STK3: variants seen among roughly 807,000 people sequenced by gnomAD.
STK3 encodes the protein serine/threonine kinase 3.
In STK3, 41 loss-of-function variants were observed where a neutral mutation model predicts 58.0. That is an observed-to-expected ratio of 0.71 (90% CI 0.55 to 0.92). The LOEUF is 0.92. Among genes scored for constraint, STK3 ranks in the 40% least tolerant of loss-of-function variants. The probability of loss-of-function intolerance (pLI) is 0.00; values close to 1 mark genes in which losing one functional copy is unlikely to be tolerated. For missense variants in STK3, 479 were observed against 602.7 expected, an observed-to-expected ratio of 0.79 and a Z score of 2.15; for synonymous variants, 170 against 191.0, an observed-to-expected ratio of 0.89 and a Z score of 0.91.
chr8:98,838,089 A>AG (rs1410434562), intron 3 of STK3, among the ~76,000 whole-genome samples: 2 of 151,130 alleles, frequency 1.3e-5, no homozygotes, highest in Non-Finnish European at 1.5e-5. Flanking sequence ...AAAAAAAAAA[A>AG]AAAAAAAGTC....
At chr8:98,906,301 A>G (rs1838897048) in intron 1 of STK3, 1 of 152,672 alleles carries the variant, frequency 6.5e-6, no homozygotes, top group Non-Finnish European at 1.5e-5. Context: ...CTGGTCTACA[A>G]CAAATCTATG....
intron 6 of STK3, among the ~76,000 whole-genome samples, chr8:98,600,400 A>G (rs1376788477): frequency 1.3e-5 from 2 of 152,206 alleles, no homozygotes; most frequent in African/African-American, 4.8e-5. Context: ...AATACATGTA[A>G]AACACTTAGA....
At chr8:98,807,753 T>C (rs1833978219) in intron 1 of STK3, among the ~76,000 whole-genome samples, 1 of 152,186 alleles carries the variant, frequency 6.6e-6, no homozygotes, top group Non-Finnish European at 1.5e-5. Context: ...CTGTCAATTA[T>C]GCACTGTGAA....
At chr8:98,435,119 G>T (rs187320503) in intron 2 of STK3, among the ~76,000 whole-genome samples, 1 of 152,172 alleles carries the variant, frequency 6.6e-6, no homozygotes, top group Non-Finnish European at 1.5e-5. Flanking sequence ...TTGGATGAAG[G>T]GGGCAATGAG....
Position 98,769,629 on chromosome 8 carries a change from T to C in STK3, c.108-2258A>G, listed in dbSNP as rs549010682. ...TAGACAGTAATGACTTCAATACAAGTAACAAATAGTATACTGATGGTCTAT... is the reference window on the plus strand; with the variant it reads ...TAGACAGTAATGACTTCAATACAAGCAACAAATAGTATACTGATGGTCTAT... On this transcript the variant is annotated intron_variant, in intron 2 of 10. Transcript: ENST00000419617. Among the ~76,000 whole-genome samples the C allele has an allele frequency of 9.8e-5, 15 of 152,310 alleles. No homozygotes were observed. In the South Asian group the frequency reaches 3.1e-3, roughly 32 times the overall value.
chr8:98,594,989 T>C (rs1056714936), intron 7 of STK3: 1 of 152,242 alleles, frequency 6.6e-6, no homozygotes, highest in Non-Finnish European at 1.5e-5. Flanking sequence ...CTTTAAATTG[T>C]TTCCAACTTG....
At chr8:98,677,700 C>G (rs76060056) in intron 6 of STK3, among the ~76,000 whole-genome samples, 3,893 of 152,272 alleles carry the variant, frequency 0.026, 402 homozygotes, top group East Asian at 0.21. Flanking sequence ...ACTCTCTGGT[C>G]TCTTTTATCT....
At chr8:98,507,206 C>G (rs1824165648) in intron 10 of STK3, among the ~76,000 whole-genome samples, 3 of 152,180 alleles carry the variant, frequency 2.0e-5, no homozygotes, top group African/African-American at 4.8e-5. Flanking sequence ...CAGCCTAGAA[C>G]TCTCCCTTGA....
intron 4 of STK3, among the ~76,000 whole-genome samples, chr8:98,713,003 T>C (rs1437409058): frequency 6.6e-6 from 1 of 152,132 alleles, no homozygotes; most frequent in Non-Finnish European, 1.5e-5. Flanking sequence ...CTCAACTACA[T>C]GGAAACTGAA....
rs59159370 is a variant in STK3 at position 98,544,649 on chromosome 8, A to AACACACAC, written c.1141+3312_1141+3319dup. On this transcript the variant is annotated intron_variant, in intron 9 of 10. Coordinates refer to ENST00000419617, the MANE Select transcript of STK3 (RefSeq NM_006281.4). ...AGCTATGTATCTTTAATTCTACTAT[A>AACACACAC]ACACACACACACACACACACACACA... 2.4e-3 allele frequency among the ~76,000 whole-genome samples: 330 copies of AACACACAC among 137,596 alleles called. 1 individual carries two copies. Among genetic ancestry groups the AACACACAC allele is most frequent in the African/African-American group, 4.6e-3 (173 of 37,238 alleles). 90.3% of individuals were successfully genotyped at this position (137,596 alleles called of 152,430 possible).
intron 1 of STK3, among the ~76,000 whole-genome samples, chr8:98,815,724 T>C (rs1391405110): frequency 6.6e-6 from 1 of 152,232 alleles, no homozygotes; most frequent in African/African-American, 2.4e-5. Context: ...TAATTCGTTA[T>C]CTTGAAAACT....
chr8:98,917,947 C>A (rs1756197540), intron 1 of STK3, among the ~76,000 whole-genome samples: 1 of 152,168 alleles, frequency 6.6e-6, no homozygotes, highest in Non-Finnish European at 1.5e-5. Flanking sequence ...AGCAATGCAA[C>A]TTTGAGCAAG....
intron 10 of STK3, among the ~76,000 whole-genome samples, chr8:98,484,583 A>G (rs1586676272): frequency 6.6e-6 from 1 of 152,316 alleles, no homozygotes; most frequent in Middle Eastern, 3.4e-3. Flanking sequence ...CAATGTGACT[A>G]AACGATTTCA....
At chr8:98,493,232 CAAA>C (rs58987455) in intron 10 of STK3, among the ~76,000 whole-genome samples, 35 of 120,214 alleles carry the variant, frequency 2.9e-4, no homozygotes, top group Non-Finnish European at 3.4e-4. Flanking sequence ...GACCCTGTCT[CAAA>C]AAAAAAAAAA....
intron 4 of STK3, among the ~76,000 whole-genome samples, chr8:98,709,319 T>C (rs531510847): frequency 2.2e-4 from 33 of 152,078 alleles, no homozygotes; most frequent in Admixed American, 1.1e-3. Flanking sequence ...AATGATATAA[T>C]GGGGCCAACC....
intron 4 of STK3, among the ~76,000 whole-genome samples, chr8:98,745,284 T>C (rs1481903593): frequency 6.6e-6 from 1 of 152,194 alleles, no homozygotes; most frequent in Admixed American, 6.5e-5. Context: ...CTGTAATAAA[T>C]GTTTTTTTAT....
intron 3 of STK3, among the ~76,000 whole-genome samples, chr8:98,411,784 G>T (rs780985270): frequency 1.3e-5 from 2 of 152,168 alleles, no homozygotes; most frequent in Non-Finnish European, 2.9e-5. Context: ...GACAAATCAG[G>T]GTGTACTAAG....
chr8:98,591,921 G>A (rs1695084296), intron 7 of STK3, among the ~76,000 whole-genome samples: 1 of 152,174 alleles, frequency 6.6e-6, no homozygotes, highest in Non-Finnish European at 1.5e-5. Flanking sequence ...TCTAGTTTCT[G>A]TAGTGTTGGT....
At position 98,590,916 on chromosome 8, in the gene STK3, A is replaced by G. The variant is rs141251985; in HGVS notation, c.822+5116T>C. ...TAAAACATACATGTTTTATCATAAT[A>G]TTCTATCATAAATGTTTTACATTTG... On this transcript the variant is annotated intron_variant, in intron 7 of 10. Coordinates refer to ENST00000419617, the MANE Select transcript of STK3 (RefSeq NM_006281.4). 6.7e-3 allele frequency among the ~76,000 whole-genome samples: 1,027 copies of G among 152,300 alleles called. 8 individuals are homozygous for G. The highest frequency in any genetic ancestry group is 0.023 in the African/African-American group (964 of 41,566).
Sources: gnomAD v4.1 joint callset for allele counts (sites outside exome capture counted in the v4.1 genomes callset) on GRCh38, gnomAD v4.1.1 for gene constraint, MANE v1.5 for transcripts, NCBI Gene and HGNC (gene_info 2026-07-23, HGNC 2026-07-21) for gene names.